The following KLHL32 variants were observed in gnomAD, a reference collection of about 807,000 sequenced individuals.
KLHL32 encodes kelch like family member 32.
KLHL32 carries 35 observed loss-of-function variants against 64.8 expected under a neutral mutation model. That is an observed-to-expected ratio of 0.54 (90% CI 0.41 to 0.72). The LOEUF (loss-of-function observed/expected upper bound fraction) is 0.72. Among genes scored for constraint, KLHL32 ranks in the 30% least tolerant of loss-of-function variants. The probability of loss-of-function intolerance (pLI) is 0.00; values close to 1 mark genes in which losing one functional copy is unlikely to be tolerated. For missense variants in KLHL32, 589 were observed against 768.5 expected (o/e 0.77, Z 2.76); for synonymous variants, 259 against 281.0 (o/e 0.92, Z 0.78).
At chr6:97,131,531 A>G (rs1799445030) in intron 9 of KLHL32, among the ~76,000 whole-genome samples, 2 of 152,324 alleles carry the variant, frequency 1.3e-5, no homozygotes, top group Middle Eastern at 6.8e-3. Context: ...CCAAAAAAGG[A>G]TGAAAGTAAC....
chr6:96,912,801 CCTAA>C, the KLHL32 span, among the ~76,000 whole-genome samples: 1 of 152,166 alleles, frequency 6.6e-6, no homozygotes. Context: ...AGGAGACCCT[CCTAA>C]CTACTTCCAT....
intron 3 of KLHL32, among the ~76,000 whole-genome samples, chr6:97,006,433 G>C (rs1021009503): frequency 6.6e-6 from 1 of 152,168 alleles, no homozygotes; most frequent in African/African-American, 2.4e-5. Flanking sequence ...CTTGAAGCGA[G>C]CATACAGTTG....
chr6:97,099,535 A>G (rs1388502538), intron 6 of KLHL32, among the ~76,000 whole-genome samples: 3 of 152,198 alleles, frequency 2.0e-5, no homozygotes, highest in Non-Finnish European at 4.4e-5. Context: ...CTCTTTTGCA[A>G]CAGCTACTAC....
At chr6:97,117,069 G>A (rs180825297) in intron 7 of KLHL32, among the ~76,000 whole-genome samples, 90 of 152,266 alleles carry the variant, frequency 5.9e-4, no homozygotes, top group African/African-American at 2.1e-3. Flanking sequence ...TCAGTCATCT[G>A]CCTCTTTCCT....
At chr6:97,068,273 CT>C (rs1201173569) in intron 5 of KLHL32, among the ~76,000 whole-genome samples, 1 of 152,028 alleles carries the variant, frequency 6.6e-6, no homozygotes, top group East Asian at 1.9e-4. Flanking sequence ...GTATCATTGT[CT>C]TTTTAATAAT....
chr6:97,023,634 A>G (rs1232516199), intron 3 of KLHL32, among the ~76,000 whole-genome samples: 1 of 152,180 alleles, frequency 6.6e-6, no homozygotes, highest in East Asian at 1.9e-4. Flanking sequence ...TAGTGGATGC[A>G]TACTGCTGAA....
At chr6:97,048,138 G>A (rs1786222012) in intron 4 of KLHL32, among the ~76,000 whole-genome samples, 1 of 152,172 alleles carries the variant, frequency 6.6e-6, no homozygotes, top group Non-Finnish European at 1.5e-5. Flanking sequence ...AGAGGTTCCA[G>A]AAACCCAGTG....
intron 1 of KLHL32, among the ~76,000 whole-genome samples, chr6:96,957,436 TATC>T: frequency 6.6e-6 from 1 of 152,186 alleles, no homozygotes; most frequent in Non-Finnish European, 1.5e-5. Flanking sequence ...ATATGTTATT[TATC>T]ATACAAATAA....
intron 7 of KLHL32, 80 bp from the exon 8 acceptor site, chr6:97,127,324 T>G: frequency 8.3e-7 from 1 of 1,207,468 alleles, no homozygotes. Context: ...CTAATTCTCC[T>G]TTAATTGTAT....
intron 3 of KLHL32, among the ~76,000 whole-genome samples, chr6:97,002,200 C>A (rs535980284): frequency 2.4e-4 from 36 of 152,238 alleles, no homozygotes; most frequent in African/African-American, 8.7e-4. Flanking sequence ...TCAAAGACAG[C>A]CCGGCAGAGA....
intron 2 of KLHL32, among the ~76,000 whole-genome samples, chr6:96,968,422 A>T (rs1211784525): frequency 6.6e-6 from 1 of 152,180 alleles, no homozygotes; most frequent in Non-Finnish European, 1.5e-5. Flanking sequence ...CAAAATGTCA[A>T]TAATACTGAG....
chr6:97,042,557 A>G (rs1275482452), intron 4 of KLHL32, among the ~76,000 whole-genome samples: 3 of 152,212 alleles, frequency 2.0e-5, no homozygotes, highest in African/African-American at 7.2e-5. Context: ...ATGTTCTGAT[A>G]TATGTTTACA....
intron 3 of KLHL32, chr6:96,994,491 ACT>A: frequency 1.0e-6 from 1 of 985,112 alleles, no homozygotes. Flanking sequence ...TGTGCTCTGT[ACT>A]CTGATATTTG....
At chr6:97,111,167 G>T (rs1187045731) in intron 6 of KLHL32, among the ~76,000 whole-genome samples, 1 of 152,164 alleles carries the variant, frequency 6.6e-6, no homozygotes, top group Non-Finnish European at 1.5e-5. Context: ...CCCACATGGT[G>T]GCTAAGCCTC....
the KLHL32 span, among the ~76,000 whole-genome samples, chr6:96,918,466 A>G: frequency 2.6e-5 from 4 of 152,252 alleles, no homozygotes; most frequent in South Asian, 6.2e-4. Context: ...TTTTTTTCTT[A>G]ATGGCATGCT....
At chr6:96,913,430 C>T in the KLHL32 span, among the ~76,000 whole-genome samples, 1 of 152,214 alleles carries the variant, frequency 6.6e-6, no homozygotes, top group Admixed American at 6.5e-5. Context: ...TTTGCTGGCA[C>T]ATGTTTAATA....
intron 6 of KLHL32, among the ~76,000 whole-genome samples, chr6:97,107,397 A>G (rs2128204774): frequency 6.6e-6 from 1 of 151,410 alleles, no homozygotes; most frequent in Middle Eastern, 3.4e-3. Flanking sequence ...ATTAAAAAAT[A>G]CATGGTATAA....
rs571207837 is a variant in KLHL32, at chr6:96,984,366, G to A, written c.204+8189G>A. 2.6e-5 allele frequency among the ~76,000 whole-genome samples: 4 copies of A among 152,302 alleles called. No homozygotes were observed. In the South Asian group the frequency reaches 8.3e-4, roughly 32 times the overall value. On this transcript the variant is annotated intron_variant, in intron 3 of 10. Coordinates refer to ENST00000369261, the MANE Select transcript of KLHL32 (RefSeq NM_052904.4). ...AAGAATGTATATTCTGTTGATTTGG[G>A]GTGGAGAGTTCTGTAGATGTCTATT... is the stretch of plus-strand genomic sequence containing the variant.
At chr6:97,016,931 A>C (rs568274578) in intron 3 of KLHL32, among the ~76,000 whole-genome samples, 1 of 152,130 alleles carries the variant, frequency 6.6e-6, no homozygotes, top group South Asian at 2.1e-4. Context: ...CTGCCATGTG[A>C]AGAAGTCCTT....
Sources: gnomAD v4.1 joint callset for allele counts (sites outside exome capture counted in the v4.1 genomes callset) on GRCh38, gnomAD v4.1.1 for gene constraint, MANE v1.5 for transcripts, NCBI Gene and HGNC (gene_info 2026-07-23, HGNC 2026-07-21) for gene names.